Variants in STON2 observed in about 807,000 individuals in gnomAD.
STON2 encodes stonin-2.
A neutral mutation model predicts 65.7 loss-of-function variants in STON2; 29 were observed. That is an observed-to-expected ratio of 0.44 (90% confidence interval 0.33 to 0.60). The LOEUF (loss-of-function observed/expected upper bound fraction) is 0.60. Ranked by LOEUF, STON2 falls within the 20% of genes least tolerant of loss-of-function variation. The probability of loss-of-function intolerance (pLI) is 0.03; values close to 1 mark genes in which losing one functional copy is unlikely to be tolerated. For synonymous variants in STON2, 404 were observed against 414.2 expected (o/e 0.98, Z 0.30); for missense variants, 1,054 against 1,118.1 (o/e 0.94, Z 0.82).
chr14:81,394,707 T>C (rs972220184), intron 3 of STON2, among the ~76,000 whole-genome samples: 1 of 152,148 alleles, frequency 6.6e-6, no homozygotes, highest in African/African-American at 2.4e-5. Context: ...GCCACATTCC[T>C]GGCTTTGGAG....
In STON2 at chr14:81,262,685, A is replaced by G. The variant is rs1894197364; in HGVS notation, c.*5729T>C. 1 of 985,480 alleles carries G rather than the reference A, an allele frequency of 1.0e-6. No homozygotes were observed. The highest frequency in any genetic ancestry group is 1.2e-6 in the Non-Finnish European group (1 of 829,948). The allele number at this position is 985,480 out of a possible 1,614,324, so 61.0% of individuals were successfully genotyped here. A position where few individuals can be genotyped will look rare whatever the true frequency, so the allele number is the denominator to read the frequency against. On this transcript the variant is annotated 3_prime_UTR_variant, in exon 8 of 8. Transcript: ENST00000614646. ...TTCTGCCTTTACAGGCTTAGAATTGACAAATTGAGAGACACATTTTTTTTT... is the reference window on the plus strand; with the variant it reads ...TTCTGCCTTTACAGGCTTAGAATTGGCAAATTGAGAGACACATTTTTTTTT...
intron 2 of STON2, among the ~76,000 whole-genome samples, chr14:81,426,838 C>T (rs1901999918): frequency 6.6e-6 from 1 of 152,164 alleles, no homozygotes; most frequent in Non-Finnish European, 1.5e-5. Flanking sequence ...CATAACTCAC[C>T]GTGAGTACCT....
chr14:81,269,988 A>G (rs1325439841), intron 7 of STON2: 2 of 985,296 alleles, frequency 2.0e-6, no homozygotes, highest in African/African-American at 3.5e-5. Flanking sequence ...TAACTGAAGC[A>G]TATGCTTTGG....
intron 5 of STON2, among the ~76,000 whole-genome samples, chr14:81,304,971 A>C (rs761487790): frequency 5.9e-5 from 9 of 152,182 alleles, no homozygotes; most frequent in African/African-American, 9.7e-5. Flanking sequence ...CCTATCACTA[A>C]CTACCTCTTC....
intron 4 of STON2, among the ~76,000 whole-genome samples, chr14:81,362,899 G>A (rs1015775181): frequency 2.0e-5 from 3 of 152,114 alleles, no homozygotes; most frequent in Non-Finnish European, 4.4e-5. Flanking sequence ...CAAAGGTCTC[G>A]GTCCAGCGGA....
At chr14:81,330,914 G>C (rs1897187533) in intron 4 of STON2, among the ~76,000 whole-genome samples, 1 of 152,222 alleles carries the variant, frequency 6.6e-6, no homozygotes, top group Non-Finnish European at 1.5e-5. Flanking sequence ...GATTAAGTTA[G>C]TGCAAGGAAG....
chr14:81,371,295 T>C, intron 3 of STON2, 110 bp from the exon 4 acceptor site: 2 of 1,019,834 alleles, frequency 2.0e-6, no homozygotes, highest in Non-Finnish European at 2.9e-6. Context: ...ATCTCAACAG[T>C]CATATGAGGC....
At chr14:81,328,026 G>A (rs561489584) in intron 4 of STON2, among the ~76,000 whole-genome samples, 42 of 152,286 alleles carry the variant, frequency 2.8e-4, no homozygotes, top group African/African-American at 1.0e-3. Flanking sequence ...CTACCTTACA[G>A]CTTTTATGAG....
chr14:81,297,612 G>A (rs1278203257), intron 5 of STON2, among the ~76,000 whole-genome samples: 1 of 152,182 alleles, frequency 6.6e-6, no homozygotes, highest in Non-Finnish European at 1.5e-5. Flanking sequence ...CATGCTATAT[G>A]ATTTAAATTA....
chr14:81,420,811 T>C (rs1901668011), intron 2 of STON2, among the ~76,000 whole-genome samples: 1 of 152,206 alleles, frequency 6.6e-6, no homozygotes, highest in Non-Finnish European at 1.5e-5. Context: ...CACTCAGCCA[T>C]GCTTAACCAC....
chr14:81,271,132 C>A (rs1226093272), intron 6 of STON2, among the ~76,000 whole-genome samples: 1 of 152,060 alleles, frequency 6.6e-6, no homozygotes, highest in Non-Finnish European at 1.5e-5. Flanking sequence ...GAAACAGGGG[C>A]CATCCTGCCT....
At chr14:81,408,174 C>T (rs1382659286) in intron 2 of STON2, among the ~76,000 whole-genome samples, 1 of 151,882 alleles carries the variant, frequency 6.6e-6, no homozygotes, top group Non-Finnish European at 1.5e-5. Context: ...CACACACACA[C>T]ATTAATTAAT....
chr14:81,268,455 C>T lies in STON2; in HGVS notation c.2827G>A (p.Gly943Arg). 7.8e-7 allele frequency: 1 copy of T among 1,289,628 alleles called. No homozygotes were observed. The highest frequency in any genetic ancestry group is 1.0e-6 in the Non-Finnish European group (1 of 988,704). 79.9% of individuals were successfully genotyped at this position (1,289,628 alleles called of 1,614,324 possible). ...QKKSLKPDFE[G>R]DEMENPKECG... ...TCCTTGGGATTTTCCATTTCATCTC[C>T]TTCAAAGTCCGGCTTCAAACTCTTT... Residue 943 changes from glycine to arginine, a missense_variant, in exon 8 of 8, where the codon GGA becomes AGA. By Grantham distance (125) the Gly-to-Arg change is moderately radical (BLOSUM62 -2). Coordinates refer to ENST00000614646, the MANE Select transcript of STON2 (RefSeq NM_001394390.1).
chr14:81,267,800 A>G lies in STON2; in HGVS notation c.*614T>C. On this transcript the variant is annotated 3_prime_UTR_variant, in exon 8 of 8. Coordinates refer to ENST00000614646, the MANE Select transcript of STON2 (RefSeq NM_001394390.1). ...TAGCAAATCCTGTGACTGAAACCTT[A>G]GAGAGATGGAAAAAGTGTTCCAATC... 1.0e-6 allele frequency: 1 copy of G among 985,422 alleles called. No individual in the cohort carries two copies. Among genetic ancestry groups the G allele is most frequent in the African/African-American group, 1.7e-5 (1 of 57,354 alleles). 61.0% of individuals were successfully genotyped at this position (985,422 alleles called of 1,614,324 possible). A position where few individuals can be genotyped will look rare whatever the true frequency, so the allele number is the denominator to read the frequency against.
At chr14:81,426,318 C>A (rs908351150) in intron 2 of STON2, among the ~76,000 whole-genome samples, 3 of 152,176 alleles carry the variant, frequency 2.0e-5, no homozygotes, top group Admixed American at 2.0e-4. Context: ...TTTACACTGG[C>A]AAAGTGAAGA....
In STON2 at chr14:81,314,804, T is replaced by C. The variant is rs553556317; in HGVS notation, c.742+9213A>G. 3.3e-4 allele frequency among the ~76,000 whole-genome samples: 50 copies of C among 152,372 alleles called. 1 individual carries two copies. The highest frequency in any genetic ancestry group is 2.0e-4 in the Admixed American group (3 of 15,312). ...CCTCTGTAGCTTCCTCATGTTCTTC[T>C]CTTTACAACACTGCTACACCAAATA... On this transcript the variant is annotated intron_variant, in intron 5 of 7. Coordinates refer to ENST00000614646, the MANE Select transcript of STON2 (RefSeq NM_001394390.1).
intron 3 of STON2, among the ~76,000 whole-genome samples, chr14:81,390,238 T>C (rs998356211): frequency 1.3e-5 from 2 of 150,664 alleles, no homozygotes; most frequent in African/African-American, 2.4e-5. Flanking sequence ...AGACAAGTAG[T>C]GGTTGAAAGA....
intron 3 of STON2, among the ~76,000 whole-genome samples, chr14:81,381,824 T>C (rs1361710923): frequency 6.6e-6 from 1 of 152,148 alleles, no homozygotes; most frequent in Non-Finnish European, 1.5e-5. Context: ...TCCTACTTTT[T>C]TATACAAGAG....
intron 3 of STON2, among the ~76,000 whole-genome samples, chr14:81,392,692 A>T (rs906910793): frequency 9.9e-5 from 15 of 152,174 alleles, no homozygotes. Flanking sequence ...ATATTTTTTT[A>T]AAAACTTTTT....
Sources: allele counts gnomAD v4.1 joint callset (sites outside exome capture counted in the v4.1 genomes callset), GRCh38; gene constraint gnomAD v4.1.1; transcripts MANE v1.5; gene names NCBI Gene and HGNC (gene_info 2026-07-23, HGNC 2026-07-21).